The following CLSTN2 variants were observed in gnomAD, a reference collection of about 807,000 sequenced individuals.
CLSTN2 encodes calsyntenin-2.
In CLSTN2, 48 loss-of-function variants were observed where a neutral mutation model predicts 101.2. The observed-to-expected ratio is 0.47, with a 90% CI of 0.38 to 0.60. The LOEUF is 0.60. Among genes scored for constraint, CLSTN2 ranks in the 20% least tolerant of loss-of-function variants. CLSTN2 has a pLI of 0.00. For synonymous variants in CLSTN2, 481 were observed against 463.6 expected, an observed-to-expected ratio of 1.04 and a Z score of -0.48; for missense variants, 1,160 against 1,238.2, an observed-to-expected ratio of 0.94 and a Z score of 0.95.
intron 2 of CLSTN2, among the ~76,000 whole-genome samples, chr3:140,379,721 T>C (rs926220293): frequency 1.3e-5 from 2 of 152,192 alleles, no homozygotes; most frequent in Non-Finnish European, 2.9e-5. Context: ...GTTTGCCATA[T>C]CCGTAGGATG....
chr3:140,050,746 A>G (rs544475240), intron 1 of CLSTN2, among the ~76,000 whole-genome samples: 2 of 152,336 alleles, frequency 1.3e-5, no homozygotes, highest in South Asian at 4.1e-4. Flanking sequence ...TCAGCCTCCC[A>G]GGGCACAGAA....
At chr3:139,952,412 T>C (rs13068981) in intron 1 of CLSTN2, among the ~76,000 whole-genome samples, 1 of 152,220 alleles carries the variant, frequency 6.6e-6, no homozygotes, top group Non-Finnish European at 1.5e-5. Flanking sequence ...CCCACTCTTC[T>C]GACTTGACTT....
intron 5 of CLSTN2, among the ~76,000 whole-genome samples, chr3:140,447,118 G>T (rs1252410985): frequency 6.6e-6 from 1 of 152,246 alleles, no homozygotes. Flanking sequence ...GCCTGATACT[G>T]AGTCCCACAA....
At chr3:140,395,506 A>T (rs2088171469) in intron 2 of CLSTN2, among the ~76,000 whole-genome samples, 1 of 152,184 alleles carries the variant, frequency 6.6e-6, no homozygotes, top group South Asian at 2.1e-4. Flanking sequence ...AAGGGCAGAG[A>T]TGGAACTCAG....
chr3:140,487,875 CAG>C (rs1327428304), intron 8 of CLSTN2, among the ~76,000 whole-genome samples: 2 of 152,160 alleles, frequency 1.3e-5, no homozygotes, highest in African/African-American at 2.4e-5. Flanking sequence ...AAAGCAAAGA[CAG>C]AGTCTTATAT....
chr3:140,298,443 T>A (rs1324215759), intron 2 of CLSTN2, among the ~76,000 whole-genome samples: 1 of 152,186 alleles, frequency 6.6e-6, no homozygotes, highest in African/African-American at 2.4e-5. Context: ...CCTATAAACT[T>A]TCAAAGTGCT....
intron 2 of CLSTN2, among the ~76,000 whole-genome samples, chr3:140,186,755 G>A (rs976960939): frequency 2.0e-5 from 3 of 152,026 alleles, no homozygotes; most frequent in East Asian, 3.9e-4. Context: ...ATAGTGCTGG[G>A]CCACAGTAAG....
At chr3:140,198,081 A>C (rs2010668507) in intron 2 of CLSTN2, among the ~76,000 whole-genome samples, 1 of 152,236 alleles carries the variant, frequency 6.6e-6, no homozygotes, top group Non-Finnish European at 1.5e-5. Flanking sequence ...TTTAGAAGGC[A>C]TCAATAAATA....
At chr3:140,255,055 C>T (rs2086594106) in intron 2 of CLSTN2, among the ~76,000 whole-genome samples, 1 of 152,124 alleles carries the variant, frequency 6.6e-6, no homozygotes, top group Non-Finnish European at 1.5e-5. Context: ...AAAATTGCTT[C>T]ATATCAGTAA....
chr3:140,353,248 T>C (rs1025548727), intron 2 of CLSTN2, among the ~76,000 whole-genome samples: 21 of 142,810 alleles, frequency 1.5e-4, no homozygotes, highest in African/African-American at 4.0e-4. Context: ...TACACATATA[T>C]ATATATATAT....
At chr3:140,379,674 TTCA>T (rs2087958264) in intron 2 of CLSTN2, among the ~76,000 whole-genome samples, 1 of 152,228 alleles carries the variant, frequency 6.6e-6, no homozygotes, top group African/African-American at 2.4e-5. Context: ...CTTTTAGGAA[TTCA>T]TCATCATTTT....
intron 2 of CLSTN2, among the ~76,000 whole-genome samples, chr3:140,208,329 ATATT>A (rs2010810403): frequency 2.0e-5 from 3 of 152,326 alleles, no homozygotes; most frequent in Admixed American, 6.5e-5. Flanking sequence ...TGCCTCAGAA[ATATT>A]TATTAATCCT....
At chr3:140,354,104 A>G (rs1382470490) in intron 2 of CLSTN2, among the ~76,000 whole-genome samples, 1 of 152,226 alleles carries the variant, frequency 6.6e-6, no homozygotes, top group Non-Finnish European at 1.5e-5. Flanking sequence ...TAGGCTCAGA[A>G]CCTTGAATTT....
chr3:140,410,388 A>G (rs2107983276), intron 4 of CLSTN2, among the ~76,000 whole-genome samples: 1 of 144,230 alleles, frequency 6.9e-6, no homozygotes, highest in Non-Finnish European at 1.5e-5. Flanking sequence ...AGAATTATAT[A>G]TTTAAGATGC....
chr3:140,214,474 C>A (rs149661201), intron 2 of CLSTN2, among the ~76,000 whole-genome samples: 209 of 152,072 alleles, frequency 1.4e-3, no homozygotes, highest in African/African-American at 4.8e-3. Context: ...AATAGGTCCA[C>A]TTTGAAGGGG....
In CLSTN2 at chr3:140,538,220, G is replaced by C. The variant is rs558288553; in HGVS notation, c.1507+5734G>C. Among the ~76,000 whole-genome samples the C allele has an allele frequency of 8.8e-5, 10 of 113,528 alleles. No homozygotes were observed. The East Asian group carries it at 2.2e-3, about 24-fold the overall frequency. The allele number at this position is 113,528 out of a possible 152,430, so 74.5% of individuals were successfully genotyped here. A position where few individuals can be genotyped will look rare whatever the true frequency, so the allele number is the denominator to read the frequency against. On this transcript the variant is annotated intron_variant, in intron 9 of 16. Transcript: ENST00000458420. Reference sequence around the variant, plus strand: ...TCAGGGGACTCTCCTCCAGTGTCATGGGTTGTAACCTTCCTAGAGTGTCCA... The same window carrying C: ...TCAGGGGACTCTCCTCCAGTGTCATCGGTTGTAACCTTCCTAGAGTGTCCA...
chr3:140,418,523 T>TC (rs1425657994), intron 4 of CLSTN2, among the ~76,000 whole-genome samples: 3 of 143,578 alleles, frequency 2.1e-5, no homozygotes, highest in African/African-American at 8.3e-5. Context: ...CTTTCTTTTT[T>TC]TTTTTTTTTT....
intron 2 of CLSTN2, among the ~76,000 whole-genome samples, chr3:140,300,444 TCAGGAATGAAA>T (rs1272138961): frequency 6.6e-6 from 1 of 152,148 alleles, no homozygotes; most frequent in Admixed American, 6.5e-5. Context: ...CATTGAGAAT[TCAGGAATGAAA>T]ACCACCCAGC....
intron 2 of CLSTN2, among the ~76,000 whole-genome samples, chr3:140,197,444 C>T (rs114673463): frequency 8.5e-4 from 130 of 152,192 alleles, no homozygotes; most frequent in African/African-American, 3.0e-3. Context: ...TGAGTTTGTA[C>T]AGGTGGCATT....
Sources: allele counts gnomAD v4.1 joint callset (sites outside exome capture counted in the v4.1 genomes callset), GRCh38; gene constraint gnomAD v4.1.1; transcripts MANE v1.5; gene names NCBI Gene and HGNC (gene_info 2026-07-23, HGNC 2026-07-21).